GBE1: variants seen among roughly 807,000 people sequenced by gnomAD.
GBE1 encodes 1,4-alpha-glucan branching enzyme 1.
Under a neutral mutation model 88.8 loss-of-function variants are expected in GBE1, and 70 were observed. The observed-to-expected ratio is 0.79, with a 90% confidence interval of 0.65 to 0.96. The LOEUF is 0.96. Ranked by LOEUF, GBE1 falls within the 40% of genes least tolerant of loss-of-function variation. The pLI is 0.00. For synonymous variants in GBE1, 284 were observed against 300.1 expected (o/e 0.95, Z 0.56); for missense variants, 872 against 871.0 (o/e 1.00, Z -0.01).
intron 7 of GBE1, among the ~76,000 whole-genome samples, chr3:81,604,780 G>C (rs1199766362): frequency 7.8e-6 from 1 of 128,678 alleles, no homozygotes; most frequent in Non-Finnish European, 1.8e-5. Flanking sequence ...GAAAACTTAA[G>C]TAAGAAATTA....
chr3:81,568,778 G>C (rs1703532152), intron 12 of GBE1, among the ~76,000 whole-genome samples: 1 of 152,108 alleles, frequency 6.6e-6, no homozygotes, highest in African/African-American at 2.4e-5. Context: ...ACGAACGTGT[G>C]TGTGTGTATA....
At chr3:81,697,301 C>CTTTTTT (rs774202162) in intron 2 of GBE1, among the ~76,000 whole-genome samples, 1 of 141,396 alleles carries the variant, frequency 7.1e-6, no homozygotes, top group Non-Finnish European at 1.5e-5. Context: ...CAGACAACAT[C>CTTTTTT]TTTTTTTTTT....
chr3:81,713,217 A>T (rs1234375951), intron 1 of GBE1, among the ~76,000 whole-genome samples: 2 of 152,232 alleles, frequency 1.3e-5, no homozygotes, highest in African/African-American at 4.8e-5. Flanking sequence ...GGAAGAAGAG[A>T]TTAGGAGAAG....
chr3:81,649,912 T>C lies in GBE1; in HGVS notation c.439A>G (p.Thr147Ala), dbSNP rs1279137877. Residue 147 changes from threonine to alanine, a missense_variant, in exon 4 of 16, where the codon ACT becomes GCT. Transcript: ENST00000429644. ...PHGSKLKVVI[T>A]SKSGEILYRI... Reference sequence around the variant, plus strand: ...TACAAGATCTCTCCGCTTTTACTAGTAATAACTACCTAAAAAGAGAATGAC... The same window carrying C: ...TACAAGATCTCTCCGCTTTTACTAGCAATAACTACCTAAAAAGAGAATGAC... 3 of 1,606,626 alleles carry C rather than the reference T, an allele frequency of 1.9e-6. No homozygotes were observed. The highest frequency in any genetic ancestry group is 2.7e-5 in the African/African-American group (2 of 74,732).
intron 7 of GBE1, among the ~76,000 whole-genome samples, chr3:81,623,879 CA>C (rs1704366204): frequency 6.6e-6 from 1 of 152,060 alleles, no homozygotes; most frequent in Non-Finnish European, 1.5e-5. Flanking sequence ...CTATGTTGCC[CA>C]GGCTGCTCTT....
At chr3:81,747,407 T>C (rs190765256) in intron 1 of GBE1, among the ~76,000 whole-genome samples, 4 of 152,180 alleles carry the variant, frequency 2.6e-5, no homozygotes, top group Admixed American at 2.6e-4. Context: ...TAGGCCAAGC[T>C]CAGTAACTCA....
intron 14 of GBE1, among the ~76,000 whole-genome samples, chr3:81,525,856 T>A (rs1041692436): frequency 6.6e-6 from 1 of 152,106 alleles, no homozygotes; most frequent in Non-Finnish European, 1.5e-5. Context: ...GTAGTTTGTA[T>A]TTCTGGGGGT....
At chr3:81,545,743 G>T (rs1466832420) in intron 12 of GBE1, among the ~76,000 whole-genome samples, 1 of 152,000 alleles carries the variant, frequency 6.6e-6, no homozygotes, top group Non-Finnish European at 1.5e-5. Flanking sequence ...AATATTAAAT[G>T]GAAAATTCCA....
intron 10 of GBE1, among the ~76,000 whole-genome samples, chr3:81,582,982 G>A (rs763371486): frequency 6.6e-6 from 1 of 151,888 alleles, no homozygotes; most frequent in Non-Finnish European, 1.5e-5. Flanking sequence ...CCATGTATCC[G>A]GCAAAGAAGT....
At chr3:81,662,681 A>G (rs1219371943) in intron 3 of GBE1, among the ~76,000 whole-genome samples, 1 of 151,926 alleles carries the variant, frequency 6.6e-6, no homozygotes, top group Non-Finnish European at 1.5e-5. Flanking sequence ...AAAAAAAGAA[A>G]AAAGAAAATG....
chr3:81,681,322 A>T (rs978540313), intron 2 of GBE1, among the ~76,000 whole-genome samples: 2 of 152,192 alleles, frequency 1.3e-5, no homozygotes, highest in African/African-American at 4.8e-5. Context: ...GACAGGGAGC[A>T]CACTGTAGTT....
intron 2 of GBE1, among the ~76,000 whole-genome samples, chr3:81,702,948 C>G (rs1705721832): frequency 6.6e-6 from 1 of 151,864 alleles, no homozygotes; most frequent in Non-Finnish European, 1.5e-5. Flanking sequence ...AGTCCCTTTC[C>G]TATATTTTTA....
intron 9 of GBE1, among the ~76,000 whole-genome samples, chr3:81,589,988 T>A (rs190953109): frequency 6.6e-6 from 1 of 152,120 alleles, no homozygotes; most frequent in East Asian, 1.9e-4. Context: ...TATGGTAGGT[T>A]GTTTGTTTTT....
rs755230140 is a variant in GBE1, at chr3:81,586,087, C to G, written c.1335+5G>C. 1.9e-6 allele frequency: 3 copies of G among 1,577,008 alleles called. No homozygotes were observed. The East Asian group carries it at 6.8e-5, about 36-fold the overall frequency. ...GAAACAAAAAATATTTACATGGACT[C>G]TTACCTGAATCCACTTATCTGGAAT... is the stretch of plus-strand genomic sequence containing the variant. On this transcript the variant is annotated splice_donor_5th_base_variant and intron_variant, in intron 10 of 15. Transcript: ENST00000429644.
At chr3:81,634,508 A>C (rs188342460) in intron 7 of GBE1, among the ~76,000 whole-genome samples, 1 of 152,242 alleles carries the variant, frequency 6.6e-6, no homozygotes, top group East Asian at 1.9e-4. Flanking sequence ...GGCTTTCTTC[A>C]CTGTTTTCAG....
intron 12 of GBE1, among the ~76,000 whole-genome samples, chr3:81,576,231 CTTA>C (rs1168038979): frequency 6.6e-6 from 1 of 151,528 alleles, no homozygotes. Context: ...ATCATACTTA[CTTA>C]TTATACATGA....
intron 15 of GBE1, among the ~76,000 whole-genome samples, chr3:81,497,769 A>G (rs1471118061): frequency 2.0e-5 from 3 of 152,112 alleles, no homozygotes; most frequent in African/African-American, 4.8e-5. Flanking sequence ...CTCCTTCCCA[A>G]TGACTCCCCT....
chr3:81,746,109 A>G (rs927208568), intron 1 of GBE1, among the ~76,000 whole-genome samples: 30 of 152,236 alleles, frequency 2.0e-4, no homozygotes, highest in African/African-American at 7.2e-4. Context: ...AAGTCAAATA[A>G]ACAGACAAAA....
At chr3:81,492,108 T>G (rs577278649) in intron 15 of GBE1, among the ~76,000 whole-genome samples, 6 of 152,368 alleles carry the variant, frequency 3.9e-5, no homozygotes, top group African/African-American at 1.2e-4. Context: ...TGTAACTCAA[T>G]GTCTCATGTT....
Sources: allele counts gnomAD v4.1 joint callset (sites outside exome capture counted in the v4.1 genomes callset), GRCh38; gene constraint gnomAD v4.1.1; transcripts MANE v1.5; gene names NCBI Gene and HGNC (gene_info 2026-07-23, HGNC 2026-07-21).